ADNP: variants seen among roughly 807,000 people sequenced by gnomAD.
The protein encoded by ADNP is activity-dependent neuroprotector homeobox protein.
Under a neutral mutation model 84.9 loss-of-function variants are expected in ADNP, and 4 were observed. That is an observed-to-expected ratio of 0.05 (90% confidence interval 0.02 to 0.11). The LOEUF (loss-of-function observed/expected upper bound fraction) is 0.11, where lower values mean the gene tolerates loss of function less well. ADNP is among the 10% of genes least tolerant of loss of function. The probability of loss-of-function intolerance (pLI) is 1.00; values close to 1 mark genes in which losing one functional copy is unlikely to be tolerated. For missense variants in ADNP, 1,132 were observed against 1,326.0 expected (o/e 0.85, Z 2.27); for synonymous variants, 554 against 468.1 (o/e 1.18, Z -2.37).
At position 50,892,064 on chromosome 20, in the gene ADNP, C is replaced by T. The variant is rs1980817358; in HGVS notation, c.2650G>A (p.Glu884Lys). 1 of 1,614,038 alleles carries T rather than the reference C, an allele frequency of 6.2e-7. No individual in the cohort carries two copies. Among genetic ancestry groups the T allele is most frequent in the Admixed American group, 1.7e-5 (1 of 60,000 alleles). ...GGGCTACCACTTTCATTGGATTCTT[C>T]TTCCAAATTTTCAAAACTGTCTGAG... ...SSSDSFENLE[E>K]ESNESGSPFD... The change falls in exon 6 of 6, where the codon GAA becomes AAA. Residue 884 changes from glutamate (E) to lysine (K), a missense_variant. Coordinates refer to ENST00000621696, the MANE Select transcript of ADNP (RefSeq NM_001282531.3).
intron 2 of ADNP, chr20:50,913,803 A>T: frequency 2.0e-6 from 1 of 496,362 alleles, no homozygotes; most frequent in Non-Finnish European, 3.8e-6. Flanking sequence ...GAAGGAGAGG[A>T]TTCTGGCCAA....
rs1053021303 is a variant in ADNP, at chr20:50,891,253, C to T, written c.*152G>A. ...CAAGAACAGCCTGTCCTGTCATAGA[C>T]TTAGAAATAACCACTGGAACTGCAG... is the stretch of plus-strand genomic sequence containing the variant. On this transcript the variant is annotated 3_prime_UTR_variant, in exon 6 of 6. Transcript: ENST00000621696. The T allele has an allele frequency of 1.4e-6, 2 of 1,413,802 alleles. No individual in the cohort carries two copies. Among genetic ancestry groups the T allele is most frequent in the Admixed American group, 3.2e-5 (1 of 30,868 alleles). The allele number at this position is 1,413,802 out of a possible 1,614,324, so 87.6% of individuals were successfully genotyped here.
chr20:50,898,607 G>A (rs1981647990), intron 5 of ADNP, among the ~76,000 whole-genome samples: 1 of 152,200 alleles, frequency 6.6e-6, no homozygotes, highest in Non-Finnish European at 1.5e-5. Context: ...AACCATCACT[G>A]ATTCTCCACC....
intron 4 of ADNP, 101 bp from the exon 5 acceptor site, chr20:50,902,210 A>G: frequency 1.2e-6 from 1 of 822,986 alleles, no homozygotes; most frequent in Non-Finnish European, 2.0e-6. Context: ...GGAGAGGCAC[A>G]GGAAAACCAA....
At position 50,892,202 on chromosome 20, in the gene ADNP, T is replaced by G; in HGVS notation, c.2512A>C (p.Met838Leu). 6.2e-7 allele frequency: 1 copy of G among 1,614,196 alleles called. No individual in the cohort carries two copies. The highest frequency in any genetic ancestry group is 8.5e-7 in the Non-Finnish European group (1 of 1,180,044). ...MKELNKVKHEMDFDAEWLFEN... is the reference protein window; with the variant it reads ...MKELNKVKHELDFDAEWLFEN... ...AATAGCCACTCAGCATCAAAATCCA[T>G]CTCATGCTTGACTTTATTTAATTCT... The change falls in exon 6 of 6, where the codon ATG (methionine) becomes CTG (leucine). Residue 838 changes from methionine (M) to leucine (L), a missense_variant. Physicochemically the swap from Met to Leu is conservative, Grantham distance 15. Around this residue, in one of 10 missense-constraint regions of ADNP, gnomAD observed 381 missense variants for 319.9 expected, o/e 1.19. Transcript: ENST00000621696.
intron 2 of ADNP, among the ~76,000 whole-genome samples, chr20:50,914,974 G>GT (rs1475862930): frequency 1.4e-5 from 2 of 146,666 alleles, no homozygotes; most frequent in Non-Finnish European, 2.9e-5. Flanking sequence ...ATGTACACGT[G>GT]TATTTTTTTT....
intron 2 of ADNP, among the ~76,000 whole-genome samples, chr20:50,927,066 T>G (rs1984339105): frequency 6.6e-6 from 1 of 152,182 alleles, no homozygotes; most frequent in Non-Finnish European, 1.5e-5. Context: ...ATATAAATAA[T>G]AAGCCATTTT....
rs1359126945 is a variant in ADNP at position 50,889,905 on chromosome 20, G to A, written c.*1500C>T. 1.8e-5 allele frequency: 7 copies of A among 398,230 alleles called. No homozygotes were observed. The highest frequency in any genetic ancestry group is 8.2e-5 in the African/African-American group (4 of 48,522). 24.7% of individuals were successfully genotyped at this position (398,230 alleles called of 1,614,324 possible). A position where few individuals can be genotyped will look rare whatever the true frequency, so the allele number is the denominator to read the frequency against. ...AAGAGTGGCAAATAGAGGCAGAGCCGCCTGCACTACAGTTGTTCCCATCGT... is the reference window on the plus strand; with the variant it reads ...AAGAGTGGCAAATAGAGGCAGAGCCACCTGCACTACAGTTGTTCCCATCGT... On this transcript the variant is annotated 3_prime_UTR_variant, in exon 6 of 6. Coordinates refer to ENST00000621696, the MANE Select transcript of ADNP (RefSeq NM_001282531.3).
Position 50,889,231 on chromosome 20 carries a change from A to C in ADNP, c.*2174T>G, listed in dbSNP as rs1386289253. The C allele has an allele frequency of 2.0e-5, 3 of 152,130 alleles. No homozygotes were observed. The East Asian group carries it at 5.8e-4, about 29-fold the overall frequency. 9.4% of individuals were successfully genotyped at this position (152,130 alleles called of 1,614,324 possible). On this transcript the variant is annotated 3_prime_UTR_variant, in exon 6 of 6. Transcript: ENST00000621696. ...GTTCCGATATCCAACTGGGACCTGG[A>C]CCCCAAGCCCCGTGGTGTCTTGTAC...
intron 2 of ADNP, among the ~76,000 whole-genome samples, chr20:50,917,841 G>A (rs1406591109): frequency 6.6e-6 from 1 of 152,110 alleles, no homozygotes; most frequent in Non-Finnish European, 1.5e-5. Context: ...ATGAAATGTG[G>A]TCATATCCAC....
chr20:50,892,214 C>T lies in ADNP; in HGVS notation c.2500G>A (p.Val834Ile). Residue 834 changes from valine to isoleucine, a missense_variant, in exon 6 of 6, where the codon GTC becomes ATC. This residue lies in a region of ADNP where 381 missense variants were observed against 319.9 expected (regional missense o/e 1.19). Transcript: ENST00000621696. ...GCATCAAAATCCATCTCATGCTTGA[C>T]TTTATTTAATTCTTTCATGTTAAAC... ...LGFNMKELNK[V>I]KHEMDFDAEW... The T allele has an allele frequency of 6.2e-7, 1 of 1,614,174 alleles. No individual in the cohort carries two copies. The highest frequency in any genetic ancestry group is 8.5e-7 in the Non-Finnish European group (1 of 1,180,042).
intron 5 of ADNP, among the ~76,000 whole-genome samples, chr20:50,897,228 A>T (rs1981498489): frequency 6.6e-6 from 1 of 152,222 alleles, no homozygotes; most frequent in African/African-American, 2.4e-5. Flanking sequence ...GGCGTGAGCC[A>T]CCAAGCCCGG....
intron 1 of ADNP, among the ~76,000 whole-genome samples, chr20:50,930,476 C>CA (rs1601005193): frequency 3.5e-3 from 1 of 282 alleles, no homozygotes; most frequent in Admixed American, 0.033. Context: ...GGATTAGTTC[C>CA]AGGATGGGAG....
intron 2 of ADNP, among the ~76,000 whole-genome samples, chr20:50,919,083 A>G (rs917378557): frequency 2.0e-5 from 3 of 151,290 alleles, no homozygotes; most frequent in Non-Finnish European, 4.4e-5. Flanking sequence ...ATGTCTACAA[A>G]TTATTATCAT....
chr20:50,930,785 G>A (rs1322875284), intron 1 of ADNP, 41 bp downstream of exon 1: 1 of 149,920 alleles, frequency 6.7e-6, no homozygotes, highest in East Asian at 2.0e-4. Flanking sequence ...AAGCCAGGCA[G>A]GGCAGGGCCG....
intron 2 of ADNP, among the ~76,000 whole-genome samples, chr20:50,908,362 C>CT (rs1427832056): frequency 3.9e-5 from 6 of 152,128 alleles, no homozygotes; most frequent in Non-Finnish European, 7.4e-5. Context: ...CAACCAAACT[C>CT]TATCAGTCAA....
At chr20:50,897,024 C>T (rs1312904192) in intron 5 of ADNP, among the ~76,000 whole-genome samples, 2 of 152,222 alleles carry the variant, frequency 1.3e-5, no homozygotes, top group Non-Finnish European at 2.9e-5. Context: ...TCACTGCAAC[C>T]TGCACTTCCC....
At chr20:50,923,914 G>C (rs754002475) in intron 2 of ADNP, among the ~76,000 whole-genome samples, 1 of 152,184 alleles carries the variant, frequency 6.6e-6, no homozygotes, top group Non-Finnish European at 1.5e-5. Flanking sequence ...TCTTTCACAA[G>C]AGCAAGGATT....
chr20:50,903,950 C>T lies in ADNP; in HGVS notation c.47G>A (p.Arg16Gln). The change falls in exon 4 of 6, where the codon CGG becomes CAG. Residue 16 changes from arginine (R) to glutamine (Q), a missense_variant. Coordinates refer to ENST00000621696, the MANE Select transcript of ADNP (RefSeq NM_001282531.3). ...ACTAAGTATTTTTTTCACAGTTTTC[C>T]GGGCTTTTCTTAAACTGCCAAGATT... Reference protein sequence around the residue: ...VNNLGSLRKARKTVKKILSDI... With the variant: ...VNNLGSLRKAQKTVKKILSDI... The T allele has an allele frequency of 6.2e-7, 1 of 1,613,826 alleles. No individual in the cohort carries two copies. Among genetic ancestry groups the T allele is most frequent in the Non-Finnish European group, 8.5e-7 (1 of 1,179,928 alleles).
Sources: gnomAD v4.1 joint callset for allele counts (sites outside exome capture counted in the v4.1 genomes callset) on GRCh38, gnomAD v4.1.1 for gene constraint, gnomAD v4.1.1 regional missense constraint, MANE v1.5 for transcripts, NCBI Gene and HGNC (gene_info 2026-07-23, HGNC 2026-07-21) for gene names.